The following SPSB4 variants were observed in gnomAD, a reference collection of about 807,000 sequenced individuals.
The protein encoded by SPSB4 is SPRY domain-containing SOCS box protein 4.
A neutral mutation model predicts 20.9 loss-of-function variants in SPSB4; 21 were observed. The ratio of observed to expected loss-of-function variants is 1.01; its 90% CI spans 0.71 to 1.45. SPSB4 has a LOEUF of 1.45. SPSB4 is among the 40% of genes most tolerant of loss of function. The probability of loss-of-function intolerance (pLI) is 0.00; values close to 1 mark genes in which losing one functional copy is unlikely to be tolerated. For missense variants in SPSB4, 399 were observed against 399.2 expected (o/e 1.00, Z 0.00); for synonymous variants, 207 against 183.8 (o/e 1.13, Z -1.02).
intron 2 of SPSB4, among the ~76,000 whole-genome samples, chr3:141,109,006 C>T (rs1333793212): frequency 1.3e-5 from 2 of 152,204 alleles, no homozygotes; most frequent in Non-Finnish European, 2.9e-5. Context: ...ACCGCTCTAA[C>T]TGGTATTTAT....
intron 2 of SPSB4, among the ~76,000 whole-genome samples, chr3:141,108,717 G>C (rs377703321): frequency 1.3e-5 from 2 of 152,252 alleles, no homozygotes; most frequent in East Asian, 3.8e-4. Context: ...GGTAGTGCAG[G>C]AGGCGTGGAG....
chr3:141,127,938 C>A (rs1939074416), intron 2 of SPSB4, among the ~76,000 whole-genome samples: 1 of 152,220 alleles, frequency 6.6e-6, no homozygotes, highest in Admixed American at 6.5e-5. Context: ...CTTAGCCCTG[C>A]CCCTCCCACA....
chr3:141,101,661 A>G (rs1381116710), intron 2 of SPSB4, among the ~76,000 whole-genome samples: 2 of 152,242 alleles, frequency 1.3e-5, no homozygotes, highest in African/African-American at 2.4e-5. Flanking sequence ...GGTGATCACC[A>G]TCAGATGGCT....
chr3:141,073,682 A>G (rs1254933387), intron 2 of SPSB4, among the ~76,000 whole-genome samples: 1 of 152,200 alleles, frequency 6.6e-6, no homozygotes, highest in Non-Finnish European at 1.5e-5. Flanking sequence ...ATGCATATTA[A>G]TGTCCTGGCC....
chr3:141,128,365 C>T (rs1169978971), intron 2 of SPSB4, among the ~76,000 whole-genome samples: 1 of 152,060 alleles, frequency 6.6e-6, no homozygotes, highest in East Asian at 1.9e-4. Context: ...GGGGCCAGGC[C>T]AAAGCCCTGA....
chr3:141,082,675 T>A (rs1005464662), intron 2 of SPSB4, among the ~76,000 whole-genome samples: 23 of 148,582 alleles, frequency 1.5e-4, no homozygotes, highest in African/African-American at 5.3e-4. Context: ...TTCCATTAAA[T>A]CCTTTTAGCC....
At chr3:141,146,515 G>A (rs745875306) in intron 2 of SPSB4, among the ~76,000 whole-genome samples, 8 of 152,246 alleles carry the variant, frequency 5.3e-5, no homozygotes, top group Admixed American at 2.6e-4. Context: ...GGTGGCTCAC[G>A]CCTGTAATCC....
intron 2 of SPSB4, among the ~76,000 whole-genome samples, chr3:141,146,303 T>C (rs1939411648): frequency 6.6e-6 from 1 of 152,090 alleles, no homozygotes; most frequent in Non-Finnish European, 1.5e-5. Context: ...TGGAAGAAAA[T>C]GTAACCCGCT....
chr3:141,070,568 A>AATG (rs1394873068), intron 2 of SPSB4, among the ~76,000 whole-genome samples: 1 of 152,146 alleles, frequency 6.6e-6, no homozygotes, highest in Non-Finnish European at 1.5e-5. Flanking sequence ...TTGTAGAGAC[A>AATG]ATGTCTCACT....
At chr3:141,127,725 G>C (rs567224482) in intron 2 of SPSB4, among the ~76,000 whole-genome samples, 1 of 152,360 alleles carries the variant, frequency 6.6e-6, no homozygotes, top group South Asian at 2.1e-4. Flanking sequence ...TGGAGACACA[G>C]GCTGGAGAAG....
At chr3:141,093,017 C>A (rs1576528092) in intron 2 of SPSB4, among the ~76,000 whole-genome samples, 1 of 152,114 alleles carries the variant, frequency 6.6e-6, no homozygotes. Context: ...TGCTGGCCTG[C>A]AGTACAGGCT....
chr3:141,136,075 G>C (rs1460537237), intron 2 of SPSB4, among the ~76,000 whole-genome samples: 1 of 152,126 alleles, frequency 6.6e-6, no homozygotes, highest in African/African-American at 2.4e-5. Context: ...GTTTTGATTT[G>C]CATTTCTCTG....
At chr3:141,100,264 C>T (rs1212914637) in intron 2 of SPSB4, among the ~76,000 whole-genome samples, 1 of 152,120 alleles carries the variant, frequency 6.6e-6, no homozygotes, top group East Asian at 1.9e-4. Flanking sequence ...CAGAAAGTGA[C>T]CTCATTGGGA....
Position 141,089,884 on chromosome 3 carries a change from T to C in SPSB4, c.694+23086T>C, listed in dbSNP as rs549016569. 2.0e-5 allele frequency among the ~76,000 whole-genome samples: 3 copies of C among 152,344 alleles called. No individual in the cohort carries two copies. The East Asian group carries it at 5.8e-4, about 29-fold the overall frequency. On this transcript the variant is annotated intron_variant, in intron 2 of 2. Coordinates refer to ENST00000310546, the MANE Select transcript of SPSB4 (RefSeq NM_080862.3). Reference sequence around the variant, plus strand: ...ACCTTGGGAAAGTCACTCTAGGTCCTGCTTTAGAATTGCTTTTTTTGTTGT... The same window carrying C: ...ACCTTGGGAAAGTCACTCTAGGTCCCGCTTTAGAATTGCTTTTTTTGTTGT...
chr3:141,086,442 GGA>G (rs1938340893), intron 2 of SPSB4, among the ~76,000 whole-genome samples: 1 of 152,218 alleles, frequency 6.6e-6, no homozygotes, highest in African/African-American at 2.4e-5. Context: ...CCTGTAAAAT[GGA>G]GATGATGATA....
At chr3:141,055,461 C>A (rs1435483674) in intron 1 of SPSB4, among the ~76,000 whole-genome samples, 1 of 152,036 alleles carries the variant, frequency 6.6e-6, no homozygotes, top group East Asian at 1.9e-4. Context: ...GGGTGCCAAG[C>A]AAAGAGGTGC....
At chr3:141,137,136 CTGTT>C (rs781703115) in intron 2 of SPSB4, among the ~76,000 whole-genome samples, 5 of 152,082 alleles carry the variant, frequency 3.3e-5, no homozygotes, top group Non-Finnish European at 4.4e-5. Flanking sequence ...ATTTGGCTCT[CTGTT>C]TGTCTGTTAT....
intron 2 of SPSB4, among the ~76,000 whole-genome samples, chr3:141,067,776 CCAA>C (rs971007061): frequency 3.3e-5 from 5 of 152,194 alleles, no homozygotes; most frequent in African/African-American, 1.2e-4. Flanking sequence ...TGCACACTCC[CCAA>C]CATCAGCCCA....
chr3:141,133,293 T>C (rs1055775576), intron 2 of SPSB4, among the ~76,000 whole-genome samples: 1 of 152,216 alleles, frequency 6.6e-6, no homozygotes, highest in African/African-American at 2.4e-5. Context: ...AACTTTTTAG[T>C]TTAATTAGGT....
Sources: allele counts gnomAD v4.1 joint callset (sites outside exome capture counted in the v4.1 genomes callset), GRCh38; gene constraint gnomAD v4.1.1; transcripts MANE v1.5; gene names NCBI Gene and HGNC (gene_info 2026-07-23, HGNC 2026-07-21).